Variants in DUSP8 observed in about 807,000 individuals in gnomAD.
The protein encoded by DUSP8 is dual specificity phosphatase 8.
A neutral mutation model predicts 38.7 loss-of-function variants in DUSP8; 15 were observed. The ratio of observed to expected loss-of-function variants is 0.39; its 90% CI spans 0.26 to 0.60. DUSP8 has a LOEUF of 0.60. DUSP8 is among the 20% of genes least tolerant of loss of function. DUSP8 has a pLI of 0.56. For synonymous variants in DUSP8, 458 were observed against 433.9 expected (o/e 1.06, Z -0.69); for missense variants, 768 against 915.0 (o/e 0.84, Z 2.07).
chr11:1,570,876 T>A (rs1848878543), intron 1 of DUSP8, among the ~76,000 whole-genome samples: 1 of 151,920 alleles, frequency 6.6e-6, no homozygotes, highest in South Asian at 2.1e-4. Context: ...AGTGCCGGGG[T>A]TTGGATCTCC....
intron 3 of DUSP8, among the ~76,000 whole-genome samples, chr11:1,562,762 C>T (rs1161584405): frequency 1.3e-5 from 2 of 152,174 alleles, no homozygotes; most frequent in African/African-American, 2.4e-5. Flanking sequence ...TCACCAGACG[C>T]CCAGAGCCAT....
upstream of DUSP8, among the ~76,000 whole-genome samples, chr11:1,572,526 G>A (rs1848924032): frequency 6.6e-6 from 1 of 151,476 alleles, no homozygotes; most frequent in Admixed American, 6.6e-5. This position sits in a 1 kb window ranked among gnomAD's most constrained non-coding sequence, Gnocchi z 4.7. Context: ...CGCGGCGTCC[G>A]GGACCCCGCC....
chr11:1,568,435 C>T (rs896398254), intron 1 of DUSP8, among the ~76,000 whole-genome samples: 3 of 152,140 alleles, frequency 2.0e-5, no homozygotes, highest in East Asian at 1.9e-4. Context: ...TCCTAAGCAA[C>T]GCTGAGCTGG....
In DUSP8 at chr11:1,558,805, C is replaced by G; in HGVS notation, c.537+84G>C. 6.7e-7 allele frequency: 1 copy of G among 1,482,572 alleles called. No individual in the cohort carries two copies. The highest frequency in any genetic ancestry group is 1.3e-5 in the South Asian group (1 of 76,218). The allele number at this position is 1,482,572 out of a possible 1,614,324, so 91.8% of individuals were successfully genotyped here. On this transcript the variant is annotated intron_variant, in intron 4 of 6. Transcript: ENST00000397374. This position sits in a 1 kb window ranked among gnomAD's most constrained non-coding sequence, Gnocchi z 6.3. ...ACTGCCTTCAGCTCCTTTCCTCCCT[C>G]ATCCCCCGCTCCGCTGCCAAGCTGC...
upstream of DUSP8, among the ~76,000 whole-genome samples, chr11:1,572,433 G>T (rs980902051): frequency 2.0e-5 from 3 of 150,004 alleles, no homozygotes; most frequent in Non-Finnish European, 3.0e-5. This position sits in a 1 kb window ranked among gnomAD's most constrained non-coding sequence, Gnocchi z 4.7. Context: ...CTGCCGCGGG[G>T]GGGGGGCGGG....
chr11:1,562,643 G>A (rs551880581), intron 3 of DUSP8, among the ~76,000 whole-genome samples: 1 of 150,960 alleles, frequency 6.6e-6, no homozygotes, highest in Middle Eastern at 3.4e-3. Context: ...GCATGCATAT[G>A]CCCATACATG....
intron 3 of DUSP8, among the ~76,000 whole-genome samples, chr11:1,561,804 C>G (rs1848721086): frequency 1.3e-5 from 2 of 149,432 alleles, no homozygotes; most frequent in African/African-American, 4.8e-5. Flanking sequence ...TGAGGGGCAG[C>G]ACCCCTGCCC....
At position 1,557,003 on chromosome 11, in the gene DUSP8, C is replaced by T. The variant is rs979486067; in HGVS notation, c.1393G>A (p.Ala465Thr). ...RRPRPPAGSP[A>T]RSPAHSLGLN... ...CCGAGGCTGTGCGCGGGGGAGCGCG[C>T]GGGGGAGCCGGCGGGGGGCCGGGGC... The change falls in exon 7 of 7, where the codon GCG (alanine) becomes ACG (threonine). Residue 465 changes from alanine to threonine, a missense_variant. Ala to Thr is a moderately conservative substitution (Grantham distance 58, BLOSUM62 0). This residue lies in a region of DUSP8 where 474 missense variants were observed against 430.8 expected (regional missense o/e 1.10). Transcript: ENST00000397374. The surrounding 1 kb of genome is among the most constrained non-coding windows in gnomAD (Gnocchi z 9.9). 39 of 1,019,358 alleles carry T rather than the reference C, an allele frequency of 3.8e-5. No individual in the cohort carries two copies. In the South Asian group the frequency reaches 1.2e-3, roughly 30 times the overall value. The allele number at this position is 1,019,358 out of a possible 1,614,324, so 63.1% of individuals were successfully genotyped here.
rs925510230 is a variant in DUSP8 at position 1,556,697 on chromosome 11, G to A, written c.1699C>T (p.Arg567Trp). ...RRREAARAEP[R>W]DARTGWPEEP... ...TCGGGCCAGCCGGTCCGCGCGTCCC[G>A]GGGCTCAGCCCTCGCTGCCTCCCGC... Residue 567 changes from arginine to tryptophan, a missense_variant, in exon 7 of 7, where the codon CGG (arginine) becomes TGG (tryptophan). Arg to Trp is a moderately radical substitution (Grantham distance 101). Coordinates refer to ENST00000397374, the MANE Select transcript of DUSP8 (RefSeq NM_004420.3). This position sits in a 1 kb window ranked among gnomAD's most constrained non-coding sequence, Gnocchi z 5.2. The A allele has an allele frequency of 5.5e-6, 7 of 1,280,758 alleles. No homozygotes were observed. The highest frequency in any genetic ancestry group is 6.3e-5 in the East Asian group (2 of 31,992). The allele number at this position is 1,280,758 out of a possible 1,614,324, so 79.3% of individuals were successfully genotyped here. A position where few individuals can be genotyped will look rare whatever the true frequency, so the allele number is the denominator to read the frequency against.
Position 1,554,694 on chromosome 11 carries a change from C to G in DUSP8, c.*1824G>C. The G allele has an allele frequency of 1.1e-6, 1 of 903,752 alleles. No homozygotes were observed. The highest frequency in any genetic ancestry group is 1.3e-6 in the Non-Finnish European group (1 of 753,238). 56.0% of individuals were successfully genotyped at this position (903,752 alleles called of 1,614,324 possible). A position where few individuals can be genotyped will look rare whatever the true frequency, so the allele number is the denominator to read the frequency against. On this transcript the variant is annotated 3_prime_UTR_variant, in exon 7 of 7. Coordinates refer to ENST00000397374, the MANE Select transcript of DUSP8 (RefSeq NM_004420.3). ...CCAGACCACTGTCTCCCGGACAGCACAGGGGTGGGGGGCGAGAAGCGGGAA... is the reference window on the plus strand; with the variant it reads ...CCAGACCACTGTCTCCCGGACAGCAGAGGGGTGGGGGGCGAGAAGCGGGAA...
In DUSP8 at chr11:1,556,733, C is replaced by A; in HGVS notation, c.1663G>T (p.Asp555Tyr). ...CTCGCTGCCTCCCGCCGCCGCAGGTCGCTGCCGCCGCCTGGTCCCGGGGCG... is the reference window on the plus strand; with the variant it reads ...CTCGCTGCCTCCCGCCGCCGCAGGTAGCTGCCGCCGCCTGGTCCCGGGGCG... ...AGAPGPGGGS[D>Y]LRRREAARAE... is the part of the protein sequence containing the mutation. The change falls in exon 7 of 7, where the codon GAC becomes TAC. Residue 555 changes from aspartate (D) to tyrosine (Y), a missense_variant. Transcript: ENST00000397374. The surrounding 1 kb of genome is among the most constrained non-coding windows in gnomAD (Gnocchi z 5.2). 9 of 1,227,572 alleles carry A rather than the reference C, an allele frequency of 7.3e-6. No homozygotes were observed. Among genetic ancestry groups the A allele is most frequent in the Non-Finnish European group, 8.1e-6 (8 of 984,876 alleles). The allele number at this position is 1,227,572 out of a possible 1,614,324, so 76.0% of individuals were successfully genotyped here. A position where few individuals can be genotyped will look rare whatever the true frequency, so the allele number is the denominator to read the frequency against.
In DUSP8 at chr11:1,566,081, C is replaced by T. The variant is rs891746065; in HGVS notation, c.-108-147G>A. The T allele has an allele frequency of 1.5e-5, 8 of 529,312 alleles. 1 individual carries two copies. Among genetic ancestry groups the T allele is most frequent in the South Asian group, 9.3e-5 (3 of 32,392 alleles). The allele number at this position is 529,312 out of a possible 1,614,324, so 32.8% of individuals were successfully genotyped here. A position where few individuals can be genotyped will look rare whatever the true frequency, so the allele number is the denominator to read the frequency against. The stretch of plus-strand genomic sequence containing the variant: ...AACCCTTCTCCCTCTGGAGAGACCC[C>T]GTCCAGGTCACAAGGCCAGCTCTCA... On this transcript the variant is annotated intron_variant, in intron 1 of 6. Transcript: ENST00000397374.
Position 1,557,963 on chromosome 11 carries a change from A to G in DUSP8, c.698-46T>C, listed in dbSNP as rs369977606. 5.4e-5 allele frequency: 87 copies of G among 1,612,494 alleles called. No homozygotes were observed. In the East Asian group the frequency reaches 1.9e-3, roughly 36 times the overall value. On this transcript the variant is annotated intron_variant, in intron 5 of 6. Coordinates refer to ENST00000397374, the MANE Select transcript of DUSP8 (RefSeq NM_004420.3). This position sits in a 1 kb window ranked among gnomAD's most constrained non-coding sequence, Gnocchi z 9.9. ...GGCCAGGTGAGGGCTAAGACTGCACAGCTTCTCCCTGGCCCAGGTAGGGGA... is the reference window on the plus strand; with the variant it reads ...GGCCAGGTGAGGGCTAAGACTGCACGGCTTCTCCCTGGCCCAGGTAGGGGA...
rs577935892 is a variant in DUSP8 at position 1,559,867 on chromosome 11, C to T, written c.371-812G>A. ...CTGCCCTGCACCAGCTGGAAGGACCCGAACGTGAATCCCTGGATGTCTGAC... is the reference window on the plus strand; with the variant it reads ...CTGCCCTGCACCAGCTGGAAGGACCTGAACGTGAATCCCTGGATGTCTGAC... On this transcript the variant is annotated intron_variant, in intron 3 of 6. Transcript: ENST00000397374. 5.3e-5 allele frequency among the ~76,000 whole-genome samples: 8 copies of T among 152,302 alleles called. No individual in the cohort carries two copies. The South Asian group carries it at 1.7e-3, about 32-fold the overall frequency.
intron 1 of DUSP8, chr11:1,571,270 G>C (rs1320495731): frequency 6.6e-6 from 1 of 152,282 alleles, no homozygotes; most frequent in Non-Finnish European, 1.5e-5. Flanking sequence ...CTCCCCCAGC[G>C]CCGCGGCTGC....
intron 2 of DUSP8, among the ~76,000 whole-genome samples, chr11:1,564,724 C>T (rs1464559479): frequency 2.0e-5 from 3 of 152,214 alleles, no homozygotes; most frequent in East Asian, 1.9e-4. Flanking sequence ...CGCACTCTGC[C>T]GGGAGTCCTT....
chr11:1,563,722 G>T, intron 3 of DUSP8, 129 bp downstream of exon 3: 2 of 962,352 alleles, frequency 2.1e-6, no homozygotes, highest in South Asian at 4.1e-5. Context: ...GGATGGTGGG[G>T]CCTCAAGAAC....
In DUSP8 at chr11:1,558,958, C is replaced by A. The variant is rs765619107; in HGVS notation, c.468G>T (p.Val156=). The A allele has an allele frequency of 1.2e-6, 2 of 1,612,912 alleles. No homozygotes were observed. The highest frequency in any genetic ancestry group is 1.7e-6 in the Non-Finnish European group (2 of 1,179,848). Residue 156 remains valine (V), a synonymous_variant, in exon 4 of 7, where the codon GTG becomes GTT. Transcript: ENST00000397374. This position sits in a 1 kb window ranked among gnomAD's most constrained non-coding sequence, Gnocchi z 6.3. ...GGATGCGGGTCAGGCCCACGCTGGG[C>A]ACAGGCAGGCAGGGCTGGGAGAGGC... ...PMSLSQPCLP[V]PSVGLTRILP...
rs1439763339 is a variant in DUSP8, at chr11:1,554,647, GA to G, written c.*1870del. ...AGGGACAAGGGGAAGGGGGAAGGGA[GA>G]AGGGGGCCCAACCAGTGGCCCCAGA... On this transcript the variant is annotated 3_prime_UTR_variant, in exon 7 of 7. Coordinates refer to ENST00000397374, the MANE Select transcript of DUSP8 (RefSeq NM_004420.3). The G allele has an allele frequency of 3.0e-6, 3 of 987,462 alleles. No homozygotes were observed. Among genetic ancestry groups the G allele is most frequent in the Admixed American group, 1.2e-4 (2 of 16,286 alleles). 61.2% of individuals were successfully genotyped at this position (987,462 alleles called of 1,614,324 possible).
Sources: allele counts gnomAD v4.1 joint callset (sites outside exome capture counted in the v4.1 genomes callset), GRCh38; gene constraint gnomAD v4.1.1; regional missense constraint gnomAD v4.1.1; non-coding constraint Gnocchi (gnomAD v3.1); transcripts MANE v1.5; gene names NCBI Gene and HGNC (gene_info 2026-07-23, HGNC 2026-07-21).